The following DGKD variants were observed in gnomAD, a reference collection of about 807,000 sequenced individuals.
DGKD encodes DAG kinase delta.
In DGKD, 68 loss-of-function variants were observed where a neutral mutation model predicts 154.4. That is an observed-to-expected ratio of 0.44 (90% CI 0.36 to 0.54). The LOEUF (loss-of-function observed/expected upper bound fraction) is 0.54. Ranked by LOEUF, DGKD falls within the 20% of genes least tolerant of loss-of-function variation. The pLI, the probability that DGKD is intolerant of heterozygous loss-of-function variation, is 0.00. For synonymous variants in DGKD, 693 were observed against 638.0 expected, an observed-to-expected ratio of 1.09 and a Z score of -1.30; for missense variants, 1,343 against 1,593.6, an observed-to-expected ratio of 0.84 and a Z score of 2.68.
At chr2:233,465,418 A>G (rs2063794259) in intron 27 of DGKD, among the ~76,000 whole-genome samples, 1 of 152,164 alleles carries the variant, frequency 6.6e-6, no homozygotes, top group Non-Finnish European at 1.5e-5. Context: ...CGTTACAAAC[A>G]ACATTCTTGA....
chr2:233,437,123 T>G (rs1053243777), intron 7 of DGKD, among the ~76,000 whole-genome samples: 1 of 152,222 alleles, frequency 6.6e-6, no homozygotes, highest in Non-Finnish European at 1.5e-5. Context: ...GGTACAGGAC[T>G]GTAGCTCACA....
chr2:233,360,916 T>C (rs376819920), intron 1 of DGKD, among the ~76,000 whole-genome samples: 3 of 151,760 alleles, frequency 2.0e-5, no homozygotes, highest in African/African-American at 4.8e-5. Flanking sequence ...CTAGAGCCTT[T>C]AGAGGGAGTG....
intron 3 of DGKD, among the ~76,000 whole-genome samples, chr2:233,401,859 G>T (rs1160657383): frequency 7.2e-6 from 1 of 138,738 alleles, no homozygotes; most frequent in Non-Finnish European, 1.5e-5. Context: ...GGCAGAGGTT[G>T]CAGTGAGCTG....
intron 3 of DGKD, among the ~76,000 whole-genome samples, chr2:233,394,691 CT>C (rs1162430401): frequency 9.1e-4 from 24 of 26,400 alleles, no homozygotes; most frequent in Non-Finnish European, 1.3e-3. Flanking sequence ...ATTTAATTCC[CT>C]TTTTTTTTTT....
In DGKD at chr2:233,360,481, C is replaced by A. The variant is rs538064618; in HGVS notation, c.156+5807C>A. ...TGTTGCCCATGCTTGGGGTCTCAAA[C>A]TCCTGGGCTCAAGCGATCCTCCCCC... On this transcript the variant is annotated intron_variant, in intron 1 of 29. Transcript: ENST00000264057. Among the ~76,000 whole-genome samples the A allele has an allele frequency of 1.2e-3, 176 of 152,190 alleles. 2 individuals are homozygous for A. Among genetic ancestry groups the A allele is most frequent in the African/African-American group, 4.1e-3 (170 of 41,488 alleles).
Position 233,464,168 on chromosome 2 carries a change from T to G in DGKD, c.3191T>G (p.Leu1064Arg). The change falls in exon 27 of 30, where the codon CTG becomes CGG. Residue 1064 changes from leucine to arginine, a missense_variant. By Grantham distance (102) the Leu-to-Arg change is moderately radical. Transcript: ENST00000264057. ...LLLSGKMALQ[L>R]DPPQKEQLGS... Reference sequence around the variant, plus strand: ...CCCTCCCTCCGCCTGGAGCAGCAGCTGGATCCGCCTCAGAAGGAGCAGCTG... The same window carrying G: ...CCCTCCCTCCGCCTGGAGCAGCAGCGGGATCCGCCTCAGAAGGAGCAGCTG... 6.2e-7 allele frequency: 1 copy of G among 1,613,478 alleles called. No individual in the cohort carries two copies. The highest frequency in any genetic ancestry group is 8.5e-7 in the Non-Finnish European group (1 of 1,180,032).
At chr2:233,462,199 C>A in intron 24 of DGKD, 149 bp from the exon 25 acceptor site, 1 of 597,694 alleles carries the variant, frequency 1.7e-6, no homozygotes, top group Non-Finnish European at 2.9e-6. Flanking sequence ...TGAACGGTCG[C>A]TGGGCTGAGC....
Position 233,450,917 on chromosome 2 carries a change from T to A in DGKD, c.2039-5T>A, listed in dbSNP as rs577469775. On this transcript the variant is annotated splice_polypyrimidine_tract_variant and splice_region_variant and intron_variant, in intron 16 of 29. Transcript: ENST00000264057. ...GCTGTAAGGTTTTCTGCTGTGTTGT[T>A]ACAGTGTCGAAATCTCCGTGTGAAA... is the stretch of plus-strand genomic sequence containing the variant. 1.9e-6 allele frequency: 3 copies of A among 1,597,754 alleles called. No individual in the cohort carries two copies. The highest frequency in any genetic ancestry group is 3.3e-5 in the Admixed American group (2 of 59,786).
chr2:233,374,203 A>G (rs1030129420), intron 1 of DGKD, among the ~76,000 whole-genome samples: 1 of 151,924 alleles, frequency 6.6e-6, no homozygotes, highest in Non-Finnish European at 1.5e-5. Context: ...GGTGCCTGCT[A>G]CGATGCCTGG....
At chr2:233,384,529 C>T (rs1423886036) in intron 1 of DGKD, among the ~76,000 whole-genome samples, 2 of 152,108 alleles carry the variant, frequency 1.3e-5, no homozygotes, top group African/African-American at 2.4e-5. Context: ...CCTCGAGGCC[C>T]GCAGAGTCAG....
chr2:233,462,570 G>A, intron 25 of DGKD, 73 bp from the exon 26 acceptor site: 8 of 1,552,906 alleles, frequency 5.2e-6, no homozygotes, highest in East Asian at 2.3e-5. Context: ...GGCCCTCCCA[G>A]TGCTTGTTCC....
At chr2:233,464,361 C>CCGTGTGGCTCTGGGATCAAGAT (rs1421871150) in intron 27 of DGKD, 78 bp downstream of exon 27, 2 of 1,562,202 alleles carry the variant, frequency 1.3e-6, no homozygotes, top group Non-Finnish European at 1.8e-6. Context: ...TCCTTGTGAC[C>CCGTGTGGCTCTGGGATCAAGAT]CGTGTGGCTC....
rs2063899455 is a variant in DGKD, at chr2:233,468,538, G to T, written c.3540G>T (p.Glu1180Asp). The T allele has an allele frequency of 6.2e-7, 1 of 1,613,668 alleles. No homozygotes were observed. Among genetic ancestry groups the T allele is most frequent in the Non-Finnish European group, 8.5e-7 (1 of 1,179,984 alleles). Residue 1180 changes from glutamate (E) to aspartate (D), a missense_variant, in exon 29 of 30, where the codon GAG becomes GAT. Physicochemically the swap from Glu to Asp is conservative, Grantham distance 45. This residue lies in a region of DGKD where 429 missense variants were observed against 496.3 expected (regional missense o/e 0.86). Transcript: ENST00000264057. ...DIRGSELLHLERRDLKDLGVT... is the reference protein window; with the variant it reads ...DIRGSELLHLDRRDLKDLGVT... ...GGGGCTCTGAGCTCCTGCACCTGGAGCGGAGGGACCTCAAGGTACTTCCAT... is the reference window on the plus strand; with the variant it reads ...GGGGCTCTGAGCTCCTGCACCTGGATCGGAGGGACCTCAAGGTACTTCCAT...
chr2:233,362,194 C>T (rs954046691), intron 1 of DGKD, among the ~76,000 whole-genome samples: 5 of 151,994 alleles, frequency 3.3e-5, no homozygotes, highest in Non-Finnish European at 7.4e-5. Flanking sequence ...ATTGTGTGAA[C>T]CAGAAGATAG....
rs2063960095 is a variant in DGKD, at chr2:233,470,047, A to G, written c.*587A>G. The G allele has an allele frequency of 6.6e-6, 1 of 151,952 alleles. No individual in the cohort carries two copies. The highest frequency in any genetic ancestry group is 1.5e-5 in the Non-Finnish European group (1 of 67,966). The allele number at this position is 151,952 out of a possible 1,614,324, so 9.4% of individuals were successfully genotyped here. A position where few individuals can be genotyped will look rare whatever the true frequency, so the allele number is the denominator to read the frequency against. On this transcript the variant is annotated 3_prime_UTR_variant, in exon 30 of 30. Transcript: ENST00000264057. The stretch of plus-strand genomic sequence containing the variant: ...GTTGATTGTAATTTGACGTGAAGAG[A>G]AAAAAAAATTCCTCCTGCGTGAGCC...
chr2:233,443,545 G>C (rs2062966073), intron 10 of DGKD, among the ~76,000 whole-genome samples: 1 of 152,118 alleles, frequency 6.6e-6, no homozygotes, highest in Non-Finnish European at 1.5e-5. Flanking sequence ...ATTTGCATCT[G>C]TATTTTCTTA....
intron 16 of DGKD, 61 bp downstream of exon 16, chr2:233,450,192 C>T (rs781208281): frequency 2.8e-4 from 429 of 1,508,562 alleles, no homozygotes; most frequent in Non-Finnish European, 3.5e-4. Flanking sequence ...TGAGACGTAG[C>T]GGGCTTGCCA....
Position 233,471,203 on chromosome 2 carries a change from G to A in DGKD, c.*1743G>A, listed in dbSNP as rs949163310. ...CCAGCACAGCCTCCTGTCGCTGCAT[G>A]CGACGTGTTGGGATTTTTGGATGAA... On this transcript the variant is annotated 3_prime_UTR_variant, in exon 30 of 30. Transcript: ENST00000264057. The A allele has an allele frequency of 6.6e-6, 1 of 152,514 alleles. No homozygotes were observed. Among genetic ancestry groups the A allele is most frequent in the Non-Finnish European group, 1.5e-5 (1 of 68,050 alleles). The allele number at this position is 152,514 out of a possible 1,614,324, so 9.4% of individuals were successfully genotyped here. A position where few individuals can be genotyped will look rare whatever the true frequency, so the allele number is the denominator to read the frequency against.
At chr2:233,399,333 A>G (rs2061500757) in intron 3 of DGKD, among the ~76,000 whole-genome samples, 2 of 152,292 alleles carry the variant, frequency 1.3e-5, no homozygotes, top group East Asian at 3.9e-4. Flanking sequence ...CAGTTCCAGA[A>G]TGATTTGGGC....
Sources: gnomAD v4.1 joint callset for allele counts (sites outside exome capture counted in the v4.1 genomes callset) on GRCh38, gnomAD v4.1.1 for gene constraint, gnomAD v4.1.1 regional missense constraint, MANE v1.5 for transcripts, NCBI Gene and HGNC (gene_info 2026-07-23, HGNC 2026-07-21) for gene names.